Variants in CCDC169 observed in about 807,000 individuals in gnomAD.
CCDC169 encodes coiled-coil domain-containing protein 169.
Under a neutral mutation model 36.0 loss-of-function variants are expected in CCDC169, and 30 were observed. The ratio of observed to expected loss-of-function variants is 0.83; its 90% CI spans 0.62 to 1.13. CCDC169 has a LOEUF of 1.13. Ranked by LOEUF, CCDC169 falls within the 50% of genes most tolerant of loss-of-function variation. The pLI, the probability that CCDC169 is intolerant of heterozygous loss-of-function variation, is 0.00. For synonymous variants in CCDC169, 85 were observed against 81.5 expected (o/e 1.04, Z -0.23); for missense variants, 245 against 245.9 (o/e 1.00, Z 0.03).
chr13:36,283,791 A>G (rs1030274878), intron 2 of CCDC169, 89 bp from the exon 3 acceptor site: 1 of 993,790 alleles, frequency 1.0e-6, no homozygotes, highest in Admixed American at 2.4e-5. Context: ...ATCTTACTCT[A>G]TTACTATATT....
intron 4 of CCDC169, among the ~76,000 whole-genome samples, chr13:36,254,977 G>T (rs889201459): frequency 1.3e-5 from 2 of 152,108 alleles, no homozygotes; most frequent in African/African-American, 4.8e-5. Context: ...TGGCCCCTGT[G>T]GGGGCAGGAA....
intron 2 of CCDC169, among the ~76,000 whole-genome samples, chr13:36,288,367 G>A (rs1878496532): frequency 6.6e-6 from 1 of 152,136 alleles, no homozygotes. Flanking sequence ...GTTTTCAGAA[G>A]TAATCTAGAT....
downstream of CCDC169, chr13:36,223,918 A>G (rs868532211): frequency 1.3e-5 from 2 of 152,186 alleles, no homozygotes; most frequent in South Asian, 4.1e-4. Flanking sequence ...TTTCTTATCC[A>G]GTAGAATATG....
intron 7 of CCDC169, among the ~76,000 whole-genome samples, chr13:36,246,542 C>T (rs996840335): frequency 3.3e-5 from 5 of 152,178 alleles, no homozygotes; most frequent in Non-Finnish European, 7.3e-5. Context: ...AAGCTGGAAG[C>T]CAGCAGAGGA....
chr13:36,225,209 CTT>C (rs35290959), downstream of CCDC169: 60,204 of 149,106 alleles, frequency 0.4, 12,835 homozygotes, highest in Non-Finnish European at 0.48. Context: ...CTAGGAAACA[CTT>C]TTTTTTTTTT....
chr13:36,245,930 T>G (rs1168505051), intron 7 of CCDC169, among the ~76,000 whole-genome samples: 1 of 152,250 alleles, frequency 6.6e-6, no homozygotes, highest in Non-Finnish European at 1.5e-5. Context: ...TTTAAATTAT[T>G]ACTATATCCG....
At chr13:36,237,987 T>C (rs1452006341) in intron 7 of CCDC169, among the ~76,000 whole-genome samples, 2 of 152,158 alleles carry the variant, frequency 1.3e-5, no homozygotes, top group Admixed American at 6.6e-5. Flanking sequence ...GTTTGCACAA[T>C]GACAAAATTG....
chr13:36,297,369 A>T (rs1369412896), intron 1 of CCDC169, among the ~76,000 whole-genome samples: 1 of 152,224 alleles, frequency 6.6e-6, no homozygotes, highest in Non-Finnish European at 1.5e-5. Flanking sequence ...GCATTACAGT[A>T]TATGGGCAAA....
At chr13:36,267,089 G>C (rs1052649514) in intron 4 of CCDC169, 1 of 152,232 alleles carries the variant, frequency 6.6e-6, no homozygotes, top group South Asian at 2.1e-4. Flanking sequence ...GTAAAGGACA[G>C]TGAGAGAAGG....
chr13:36,249,427 A>G (rs1872876249), intron 6 of CCDC169, among the ~76,000 whole-genome samples: 1 of 152,218 alleles, frequency 6.6e-6, no homozygotes, highest in South Asian at 2.1e-4. Context: ...AATGCCTCAC[A>G]GATGCTTCGC....
At chr13:36,271,301 G>A (rs1335374683) in intron 4 of CCDC169, among the ~76,000 whole-genome samples, 4 of 152,140 alleles carry the variant, frequency 2.6e-5, no homozygotes, top group East Asian at 1.9e-4. Context: ...CTTATACACT[G>A]CTGATGGGAA....
chr13:36,226,830 T>C (rs767838808), downstream of CCDC169: 5 of 288,816 alleles, frequency 1.7e-5, no homozygotes, highest in Non-Finnish European at 2.5e-5. Flanking sequence ...CATTGACAAA[T>C]AACTTTCGGC....
downstream of CCDC169, among the ~76,000 whole-genome samples, chr13:36,228,099 T>C (rs1333738245): frequency 6.6e-6 from 1 of 152,242 alleles, no homozygotes; most frequent in Non-Finnish European, 1.5e-5. Context: ...TTTCGACTTC[T>C]TGACTATTTG....
At chr13:36,224,609 G>A (rs902787779), downstream of CCDC169, 1 of 151,956 alleles carries the variant, frequency 6.6e-6, no homozygotes, top group African/African-American at 2.4e-5. Context: ...TCTCTATAAG[G>A]AGAACTATAA....
chr13:36,242,794 T>G (rs1317231330), intron 7 of CCDC169, among the ~76,000 whole-genome samples: 1 of 152,178 alleles, frequency 6.6e-6, no homozygotes, highest in Non-Finnish European at 1.5e-5. Context: ...CCATGCCACC[T>G]ACCTCGATGC....
chr13:36,223,180 A>G (rs185394838), downstream of CCDC169: 3 of 152,304 alleles, frequency 2.0e-5, no homozygotes, highest in East Asian at 5.8e-4. Context: ...TATAATCAAC[A>G]TATATTTTAT....
At chr13:36,283,396 T>C (rs1463958057) in intron 4 of CCDC169, 73 bp downstream of exon 4, 1 of 1,402,274 alleles carries the variant, frequency 7.1e-7, no homozygotes, top group South Asian at 1.3e-5. Flanking sequence ...AAACTTCTCT[T>C]TGAAATACGT....
At chr13:36,255,767 A>C (rs1396723511) in intron 4 of CCDC169, among the ~76,000 whole-genome samples, 2 of 151,956 alleles carry the variant, frequency 1.3e-5, no homozygotes, top group Non-Finnish European at 2.9e-5. Context: ...TGCTTCTCCA[A>C]CATCCCCTCA....
At chr13:36,290,119 G>C (rs1400813923) in intron 2 of CCDC169, among the ~76,000 whole-genome samples, 1 of 152,008 alleles carries the variant, frequency 6.6e-6, no homozygotes, top group Admixed American at 6.6e-5. Context: ...TCTAAAGAAG[G>C]CAGTGACTCC....
Sources: gnomAD v4.1 joint callset for allele counts (sites outside exome capture counted in the v4.1 genomes callset) on GRCh38, gnomAD v4.1.1 for gene constraint, MANE v1.5 for transcripts, NCBI Gene and HGNC (gene_info 2026-07-23, HGNC 2026-07-21) for gene names.